PDE1C: variants seen among roughly 807,000 people sequenced by gnomAD.
The protein encoded by PDE1C is phosphodiesterase 1C.
PDE1C carries 62 observed loss-of-function variants against 93.1 expected under a neutral mutation model. That is an observed-to-expected ratio of 0.67 (90% CI 0.54 to 0.82). PDE1C has a LOEUF of 0.82. Ranked by LOEUF, PDE1C falls within the 40% of genes least tolerant of loss-of-function variation. PDE1C has a pLI of 0.00. For synonymous variants in PDE1C, 325 were observed against 310.1 expected, an observed-to-expected ratio of 1.05 and a Z score of -0.50; for missense variants, 742 against 884.6, an observed-to-expected ratio of 0.84 and a Z score of 2.04.
the PDE1C span, among the ~76,000 whole-genome samples, chr7:31,716,243 C>A: frequency 3.7e-4 from 57 of 152,154 alleles, no homozygotes; most frequent in African/African-American, 1.3e-3. Flanking sequence ...ATCTTCCTAC[C>A]CATCACCTTC....
At chr7:31,630,489 G>T in the PDE1C span, among the ~76,000 whole-genome samples, 1 of 152,204 alleles carries the variant, frequency 6.6e-6, no homozygotes, top group African/African-American at 2.4e-5. Context: ...TCATTGATTA[G>T]TATTAGCTAT....
chr7:32,147,984 T>TAAACAAAAAAAAAAAAAAAAAAAA (rs1801002818), intron 3 of PDE1C, among the ~76,000 whole-genome samples: 1 of 79,730 alleles, frequency 1.3e-5, no homozygotes, highest in Non-Finnish European at 2.2e-5. Flanking sequence ...CCATTTATGC[T>TAAACAAAAAAAAAAAAAAAAAAAA]AAAAAAAAAA....
chr7:32,017,194 G>C (rs28190), intron 2 of PDE1C, among the ~76,000 whole-genome samples: 103,446 of 151,964 alleles, frequency 0.68, 35,675 homozygotes, highest in East Asian at 0.79. Context: ...GAATAATTAT[G>C]ACAAAAATGC....
the PDE1C span, among the ~76,000 whole-genome samples, chr7:31,697,721 G>C: frequency 1.3e-5 from 2 of 152,178 alleles, no homozygotes; most frequent in Non-Finnish European, 2.9e-5. Context: ...ATTTTATACA[G>C]ATTGTTGTGT....
intron 2 of PDE1C, among the ~76,000 whole-genome samples, chr7:32,015,783 C>T (rs998286655): frequency 6.6e-6 from 1 of 151,996 alleles, no homozygotes; most frequent in African/African-American, 2.4e-5. Context: ...GGAGCTTTTT[C>T]ATGGAAATAT....
chr7:31,659,252 G>A, the PDE1C span, among the ~76,000 whole-genome samples: 12 of 152,198 alleles, frequency 7.9e-5, no homozygotes, highest in African/African-American at 2.4e-4. Context: ...TTTGTTAGCC[G>A]CTCCTATGAA....
At chr7:32,381,035 T>C (rs963584554) in intron 1 of PDE1C, among the ~76,000 whole-genome samples, 2 of 151,918 alleles carry the variant, frequency 1.3e-5, no homozygotes, top group African/African-American at 2.4e-5. Context: ...TCCCCCTCAG[T>C]GCCTTCCTCT....
intron 3 of PDE1C, among the ~76,000 whole-genome samples, chr7:32,095,498 G>A (rs1432625691): frequency 6.6e-6 from 1 of 152,182 alleles, no homozygotes; most frequent in African/African-American, 2.4e-5. Context: ...TGTCTCAGTT[G>A]CAGCTGCAGA....
At chr7:31,665,238 C>T in the PDE1C span, among the ~76,000 whole-genome samples, 1 of 152,176 alleles carries the variant, frequency 6.6e-6, no homozygotes, top group Non-Finnish European at 1.5e-5. Flanking sequence ...TCATTCAGAT[C>T]TCTGTTCAAA....
chr7:32,163,174 T>C (rs17425268), intron 3 of PDE1C, among the ~76,000 whole-genome samples: 35,528 of 152,024 alleles, frequency 0.23, 4,503 homozygotes, highest in Middle Eastern at 0.33. Flanking sequence ...CACTCAGTAA[T>C]AGAAAAATAT....
rs563015471 is a variant in PDE1C, at chr7:32,207,128, A to G, written c.136+2361T>C. On this transcript the variant is annotated intron_variant, in intron 2 of 18. Coordinates refer to the PDE1C transcript ENST00000396193. ...AGGGGCCTGGTAGATCCAGAGTCTCACAGGACTAACTCCACAGCATCCACC... is the reference window on the plus strand; with the variant it reads ...AGGGGCCTGGTAGATCCAGAGTCTCGCAGGACTAACTCCACAGCATCCACC... Among the ~76,000 whole-genome samples, 11 of 152,234 alleles carry G rather than the reference A, an allele frequency of 7.2e-5. No individual in the cohort carries two copies. The South Asian group carries it at 2.3e-3, about 32-fold the overall frequency.
intron 2 of PDE1C, among the ~76,000 whole-genome samples, chr7:31,961,129 C>T (rs1477605420): frequency 6.6e-6 from 1 of 151,940 alleles, no homozygotes; most frequent in African/African-American, 2.4e-5. Flanking sequence ...GAATGAGCTA[C>T]AATTAATCTA....
At chr7:31,780,083 T>C (rs748291361) in intron 16 of PDE1C, among the ~76,000 whole-genome samples, 16 of 152,142 alleles carry the variant, frequency 1.1e-4, no homozygotes, top group Admixed American at 5.2e-4. Flanking sequence ...ATTAGAATCA[T>C]CAGGGGAGTT....
intron 2 of PDE1C, among the ~76,000 whole-genome samples, chr7:31,971,100 C>G (rs946449313): frequency 2.6e-5 from 4 of 152,182 alleles, no homozygotes; most frequent in African/African-American, 9.7e-5. Context: ...CAAGATCGCG[C>G]TACTGCACTC....
intron 1 of PDE1C, among the ~76,000 whole-genome samples, chr7:32,364,861 C>T (rs1465568955): frequency 6.6e-6 from 1 of 152,200 alleles, no homozygotes; most frequent in Admixed American, 6.5e-5. Context: ...GGAGCTTGGG[C>T]CCAGGATGGG....
chr7:32,205,269 T>C (rs956652852), intron 2 of PDE1C, among the ~76,000 whole-genome samples: 6 of 152,228 alleles, frequency 3.9e-5, no homozygotes, highest in South Asian at 2.1e-4. Flanking sequence ...TCACATGTTT[T>C]CAAGTATTTT....
chr7:31,760,643 T>C (rs925470428), intron 17 of PDE1C, among the ~76,000 whole-genome samples: 9 of 152,156 alleles, frequency 5.9e-5, no homozygotes, highest in Admixed American at 5.2e-4. Context: ...TTGGTAGCCT[T>C]AGTTTTAAAC....
At chr7:32,029,370 C>T (rs1156992417) in intron 2 of PDE1C, among the ~76,000 whole-genome samples, 4 of 152,120 alleles carry the variant, frequency 2.6e-5, no homozygotes, top group Admixed American at 2.0e-4. Context: ...TTGAAATCAT[C>T]TTGTCAAAGA....
intron 2 of PDE1C, among the ~76,000 whole-genome samples, chr7:31,929,325 A>G (rs191421745): frequency 1.3e-5 from 2 of 152,294 alleles, no homozygotes; most frequent in Admixed American, 1.3e-4. Context: ...TTAGACTCCC[A>G]CACAATAATA....
Sources: allele counts gnomAD v4.1 joint callset (sites outside exome capture counted in the v4.1 genomes callset), GRCh38; gene constraint gnomAD v4.1.1; transcripts MANE v1.5; gene names NCBI Gene and HGNC (gene_info 2026-07-23, HGNC 2026-07-21).